Variants in PARP3 observed in about 807,000 individuals in gnomAD.
PARP3 encodes the protein poly(ADP-ribose) polymerase family member 3, also known as protein mono-ADP-ribosyltransferase PARP3.
A neutral mutation model predicts 58.2 loss-of-function variants in PARP3; 46 were observed. That is an observed-to-expected ratio of 0.79 (90% confidence interval 0.62 to 1.01). The LOEUF is 1.01. PARP3 is among the 50% of genes least tolerant of loss of function. The pLI is 0.00. For synonymous variants in PARP3, 252 were observed against 266.4 expected (o/e 0.95, Z 0.53); for missense variants, 663 against 683.9 (o/e 0.97, Z 0.34).
Position 51,944,139 on chromosome 3 carries a change from C to T in PARP3, c.234C>T (p.Asn78=), listed in dbSNP as rs1699612790. ...TGAACCAGACCAACATCGAGAACAA[C>T]AACAACAAGTTCTACATCATCCAGC... ...CTLNQTNIEN[N]NNKFYIIQLL... Residue 78 remains asparagine, a synonymous_variant, in exon 3 of 11, where the codon AAC becomes AAT. Transcript: ENST00000398755. This position sits in a 1 kb window ranked among gnomAD's most constrained non-coding sequence, Gnocchi z 4.2. 2 of 1,613,892 alleles carry T rather than the reference C, an allele frequency of 1.2e-6. No individual in the cohort carries two copies. Among genetic ancestry groups the T allele is most frequent in the Non-Finnish European group, 1.7e-6 (2 of 1,179,892 alleles).
intron 10 of PARP3, 116 bp from the exon 11 acceptor site, chr3:51,948,195 T>C: frequency 1.8e-6 from 2 of 1,092,740 alleles, no homozygotes; most frequent in Non-Finnish European, 1.3e-6. Context: ...GTGGGCAAGG[T>C]GGAAATGAGC....
Position 51,945,053 on chromosome 3 carries a change from C to T in PARP3, c.690C>T (p.Phe230=), listed in dbSNP as rs1161482192. The T allele has an allele frequency of 6.8e-6, 11 of 1,614,000 alleles. No homozygotes were observed. Among genetic ancestry groups the T allele is most frequent in the African/African-American group, 1.3e-5 (1 of 74,896 alleles). The change falls in exon 6 of 11, where the codon TTC becomes TTT. Residue 230 remains phenylalanine, a synonymous_variant. Transcript: ENST00000398755. ...GCAAGCAACAGATTGCACGGGGTTT[C>T]GAGGCCTTGGAGGCGCTGGAGGAGG... is the stretch of plus-strand genomic sequence containing the variant. ...KLSKQQIARG[F]EALEALEEAL... is the part of the protein sequence containing the mutation.
In PARP3 at chr3:51,948,314, C is replaced by G. The variant is rs751839575; in HGVS notation, c.1436C>G (p.Pro479Arg). Residue 479 changes from proline (P) to arginine (R), a missense_variant, in exon 11 of 11, where the codon CCG (proline) becomes CGG (arginine). Physicochemically the swap from Pro to Arg is moderately radical, Grantham distance 103 (BLOSUM62 -2). This residue lies in a region of PARP3 where 88 missense variants were observed against 109.1 expected (regional missense o/e 0.81). Coordinates refer to ENST00000398755, the MANE Select transcript of PARP3 (RefSeq NM_001003931.4). ...TGGCCCTTGCTGTGCCCTGCAGATC[C>G]GACCCAGGACACTGAGTTGGAGCTG... is the stretch of plus-strand genomic sequence containing the variant. ...VIARGHTEPD[P>R]TQDTELELDG... The G allele has an allele frequency of 2.0e-5, 32 of 1,613,018 alleles. No individual in the cohort carries two copies. Among genetic ancestry groups the G allele is most frequent in the Non-Finnish European group, 2.5e-5 (30 of 1,179,454 alleles).
rs78218556 is a variant in PARP3, at chr3:51,948,319, C to G, written c.1441C>G (p.Gln481Glu). ...CTTGCTGTGCCCTGCAGATCCGACCCAGGACACTGAGTTGGAGCTGGATGG... is the reference window on the plus strand; with the variant it reads ...CTTGCTGTGCCCTGCAGATCCGACCGAGGACACTGAGTTGGAGCTGGATGG... ...ARGHTEPDPT[Q>E]DTELELDGQQ... The change falls in exon 11 of 11, where the codon CAG becomes GAG. Residue 481 changes from glutamine (Q) to glutamate (E), a missense_variant. Gln to Glu is a conservative substitution (Grantham distance 29). Coordinates refer to ENST00000398755, the MANE Select transcript of PARP3 (RefSeq NM_001003931.4). The G allele has an allele frequency of 6.2e-7, 1 of 1,613,502 alleles. No homozygotes were observed. Among genetic ancestry groups the G allele is most frequent in the African/African-American group, 1.3e-5 (1 of 74,934 alleles).
rs750375549 is a variant in PARP3, at chr3:51,946,362, C to G, written c.1276+19C>G. On this transcript the variant is annotated intron_variant, in intron 9 of 10. Transcript: ENST00000398755. The surrounding 1 kb of genome is among the most constrained non-coding windows in gnomAD (Gnocchi z 4.6). ...GGATATGGTGAGGTGCCCCTCTGGG[C>G]CAAGCCCTGGGAGGGTTGGCACTAA... 6.3e-7 allele frequency: 1 copy of G among 1,579,926 alleles called. No individual in the cohort carries two copies. The highest frequency in any genetic ancestry group is 8.6e-7 in the Non-Finnish European group (1 of 1,162,090).
Position 51,942,563 on chromosome 3 carries a change from C to G in PARP3, c.-148C>G. 2.8e-6 allele frequency: 2 copies of G among 727,010 alleles called. No individual in the cohort carries two copies. The highest frequency in any genetic ancestry group is 2.5e-6 in the Non-Finnish European group (1 of 394,288). 45.0% of individuals were successfully genotyped at this position (727,010 alleles called of 1,614,324 possible). A position where few individuals can be genotyped will look rare whatever the true frequency, so the allele number is the denominator to read the frequency against. Reference sequence around the variant, plus strand: ...TCTAATCCCCCACACAAGCTCATCCCCGGCCTCTGGCGATTGTTGGGAATT... The same window carrying G: ...TCTAATCCCCCACACAAGCTCATCCGCGGCCTCTGGCGATTGTTGGGAATT... On this transcript the variant is annotated 5_prime_UTR_variant, in exon 1 of 11. Coordinates refer to ENST00000398755, the MANE Select transcript of PARP3 (RefSeq NM_001003931.4).
chr3:51,947,920 C>A lies in PARP3; in HGVS notation c.1432+25C>A, dbSNP rs746393453. The A allele has an allele frequency of 1.9e-5, 31 of 1,609,826 alleles. 1 individual carries two copies. In the South Asian group the frequency reaches 3.2e-4, roughly 17 times the overall value. On this transcript the variant is annotated intron_variant, in intron 10 of 10. Transcript: ENST00000398755. The stretch of plus-strand genomic sequence containing the variant: ...GGTGAGTCCTCAGAAGCTGTACAGC[C>A]CAAGGAGAGAGGTGGGGCCGAGATA...
chr3:51,943,230 G>C lies in PARP3; in HGVS notation c.-2-124G>C, dbSNP rs1389211977. ...CAGGATGCAGTGGGAGGCCACCGAA[G>C]GGCCAACCCGGGGTGGGGCAAGTTG... is the stretch of plus-strand genomic sequence containing the variant. On this transcript the variant is annotated intron_variant, in intron 1 of 10. Transcript: ENST00000398755. The C allele has an allele frequency of 6.4e-6, 7 of 1,101,580 alleles. No individual in the cohort carries two copies. In the Admixed American group the frequency reaches 2.0e-4, roughly 32 times the overall value. The allele number at this position is 1,101,580 out of a possible 1,614,324, so 68.2% of individuals were successfully genotyped here.
In PARP3 at chr3:51,944,686, CA is replaced by C; in HGVS notation, c.502-91del. The C allele has an allele frequency of 6.4e-7, 1 of 1,572,856 alleles. No individual in the cohort carries two copies. Among genetic ancestry groups the C allele is most frequent in the Non-Finnish European group, 8.6e-7 (1 of 1,156,218 alleles). ...CTGCCCAGCTGCGCAGCCTCAGCCA[CA>C]GAACTCCCCTCTGGCCTCAGGCTGG... is the stretch of plus-strand genomic sequence containing the variant. On this transcript the variant is annotated intron_variant, in intron 4 of 10. Coordinates refer to ENST00000398755, the MANE Select transcript of PARP3 (RefSeq NM_001003931.4). This position sits in a 1 kb window ranked among gnomAD's most constrained non-coding sequence, Gnocchi z 4.2.
At chr3:51,948,162 C>T in intron 10 of PARP3, 149 bp from the exon 11 acceptor site, 1 of 839,020 alleles carries the variant, frequency 1.2e-6, no homozygotes. Flanking sequence ...GGCAGAAGCC[C>T]CAGCCCCTGC....
chr3:51,943,455 G>A lies in PARP3; in HGVS notation c.100G>A (p.Glu34Lys), dbSNP rs777971460. 1 of 1,609,536 alleles carries A rather than the reference G, an allele frequency of 6.2e-7. No individual in the cohort carries two copies. The highest frequency in any genetic ancestry group is 8.5e-7 in the Non-Finnish European group (1 of 1,178,526). Residue 34 changes from glutamate to lysine, a missense_variant, in exon 2 of 11, where the codon GAG becomes AAG. Transcript: ENST00000398755. ...REEDPFRSTA[E>K]ALKAIPAEKR... is the part of the protein sequence containing the mutation. ...GGAGGACCCCTTCCGCTCCACCGCT[G>A]AGGCCCTCAAGGCCATACCCGCAGA...
chr3:51,943,485 C>T lies in PARP3; in HGVS notation c.130C>T (p.Arg44Cys), dbSNP rs368341120. 7.4e-6 allele frequency: 12 copies of T among 1,610,850 alleles called. No homozygotes were observed. Among genetic ancestry groups the T allele is most frequent in the African/African-American group, 1.3e-5 (1 of 74,862 alleles). Residue 44 changes from arginine to cysteine, a missense_variant, in exon 2 of 11, where the codon CGC (arginine) becomes TGC (cysteine). By Grantham distance (180) the Arg-to-Cys change is radical (BLOSUM62 -3). This residue lies in a region of PARP3 where 567 missense variants were observed against 553.6 expected (regional missense o/e 1.02). Coordinates refer to ENST00000398755, the MANE Select transcript of PARP3 (RefSeq NM_001003931.4). The part of the protein sequence containing the change: ...EALKAIPAEK[R>C]IIRVDPTCPL... ...CCTCAAGGCCATACCCGCAGAGAAGCGCATAATCCGCGTGGATCCAACATG... is the reference window on the plus strand; with the variant it reads ...CCTCAAGGCCATACCCGCAGAGAAGTGCATAATCCGCGTGGATCCAACATG...
Position 51,942,583 on chromosome 3 carries a change from G to C in PARP3, c.-128G>C. On this transcript the variant is annotated 5_prime_UTR_variant, in exon 1 of 11. Coordinates refer to ENST00000398755, the MANE Select transcript of PARP3 (RefSeq NM_001003931.4). ...CATCCCCGGCCTCTGGCGATTGTTGGGAATTCTCTCCCTAATTCACGCCTG... is the reference window on the plus strand; with the variant it reads ...CATCCCCGGCCTCTGGCGATTGTTGCGAATTCTCTCCCTAATTCACGCCTG... 1.3e-6 allele frequency: 1 copy of C among 744,038 alleles called. No individual in the cohort carries two copies. The highest frequency in any genetic ancestry group is 2.4e-6 in the Non-Finnish European group (1 of 408,946). The allele number at this position is 744,038 out of a possible 1,614,324, so 46.1% of individuals were successfully genotyped here. A position where few individuals can be genotyped will look rare whatever the true frequency, so the allele number is the denominator to read the frequency against.
chr3:51,945,301 G>T, intron 6 of PARP3, 77 bp downstream of exon 6: 1 of 1,463,186 alleles, frequency 6.8e-7, no homozygotes. Flanking sequence ...AAGGGCAGGT[G>T]GCCAAGAAGG....
chr3:51,943,144 T>C, intron 1 of PARP3: 1 of 946,464 alleles, frequency 1.1e-6, no homozygotes. Flanking sequence ...GGGAAAGGGG[T>C]GTTTCTGAGT....
At position 51,942,615 on chromosome 3, in the gene PARP3, A is replaced by G; in HGVS notation, c.-96A>G. 1 of 817,548 alleles carries G rather than the reference A, an allele frequency of 1.2e-6. No homozygotes were observed. Among genetic ancestry groups the G allele is most frequent in the Non-Finnish European group, 2.1e-6 (1 of 475,356 alleles). 50.6% of individuals were successfully genotyped at this position (817,548 alleles called of 1,614,324 possible). On this transcript the variant is annotated 5_prime_UTR_variant, in exon 1 of 11. It removes an upstream start codon present in the reference 5' UTR. Coordinates refer to ENST00000398755, the MANE Select transcript of PARP3 (RefSeq NM_001003931.4). ...TCTCCCTAATTCACGCCTGAGGCTC[A>G]TGGAGAGTTGCTAGACCTGGGACTG...
At chr3:51,942,958 A>G (rs1034541989) in intron 1 of PARP3, 5 of 1,409,706 alleles carry the variant, frequency 3.5e-6, no homozygotes, top group Non-Finnish European at 4.6e-6. Context: ...CAACCATGCC[A>G]GGGCTGAACT....
At chr3:51,946,000 C>A (rs1368114841) in intron 8 of PARP3, 61 bp downstream of exon 8, 1 of 1,479,516 alleles carries the variant, frequency 6.8e-7, no homozygotes, top group Non-Finnish European at 9.4e-7. Flanking sequence ...ATGTCCTTGG[C>A]TAATCGGTCC....
intron 7 of PARP3, 41 bp downstream of exon 7, chr3:51,945,685 A>C (rs1356791242): frequency 6.2e-7 from 1 of 1,605,550 alleles, no homozygotes; most frequent in Non-Finnish European, 8.5e-7. Flanking sequence ...ATCAGTGGGC[A>C]CTGTCCCTCT....
Sources: allele counts gnomAD v4.1 joint callset, GRCh38; gene constraint gnomAD v4.1.1; regional missense constraint gnomAD v4.1.1; non-coding constraint Gnocchi (gnomAD v3.1); transcripts MANE v1.5; gene names NCBI Gene and HGNC (gene_info 2026-07-23, HGNC 2026-07-21).